Variants in EIF3CL observed in about 807,000 individuals in gnomAD.
The protein encoded by EIF3CL is eukaryotic translation initiation factor 3 subunit C like.
For synonymous variants in EIF3CL, 2 were observed against 19.6 expected, an observed-to-expected ratio of 0.10 and a Z score of 2.37; for missense variants, 5 against 56.1, an observed-to-expected ratio of 0.09 and a Z score of 2.91.
the EIF3CL span, among the ~76,000 whole-genome samples, chr16:28,416,744 G>A: frequency 2.7e-4 from 31 of 114,292 alleles, no homozygotes; most frequent in South Asian, 3.3e-3. Flanking sequence ...CACCCCGTCC[G>A]GGAGGGAGGT....
rs1181105883 is a variant in EIF3CL, at chr16:28,386,792, T to TAC, written c.1821+1264_1821+1265dup. Among the ~76,000 whole-genome samples the TAC allele has an allele frequency of 1.2e-4, 9 of 76,244 alleles. 1 individual carries two copies. Among genetic ancestry groups the TAC allele is most frequent in the South Asian group, 7.6e-4 (2 of 2,626 alleles). The allele number at this position is 76,244 out of a possible 152,430, so 50.0% of individuals were successfully genotyped here. A position where few individuals can be genotyped will look rare whatever the true frequency, so the allele number is the denominator to read the frequency against. On this transcript the variant is annotated intron_variant, in intron 15 of 20. Transcript: ENST00000380876. Reference sequence around the variant, plus strand: ...CACACACACACACACCCCTAAAAGATACACACACACACACCCCCTAAAAGA... The same window carrying TAC: ...CACACACACACACACCCCTAAAAGATACACACACACACACACCCCCTAAAAGA...
At chr16:28,422,738 G>A in the EIF3CL span, among the ~76,000 whole-genome samples, 1 of 140,042 alleles carries the variant, frequency 7.1e-6, no homozygotes, top group Non-Finnish European at 1.6e-5. Flanking sequence ...TTGGGAGGCT[G>A]AAGCAGGAAA....
At chr16:28,417,338 G>A in the EIF3CL span, among the ~76,000 whole-genome samples, 8 of 144,360 alleles carry the variant, frequency 5.5e-5, no homozygotes, top group Non-Finnish European at 9.2e-5. Flanking sequence ...CATTGAGAAC[G>A]GGCCAGGATG....
chr16:28,417,819 A>C, the EIF3CL span, among the ~76,000 whole-genome samples: 9 of 146,838 alleles, frequency 6.1e-5, no homozygotes, highest in Middle Eastern at 3.5e-3. Flanking sequence ...TCAATAAAAA[A>C]ATAAATTTAA....
the EIF3CL span, chr16:28,414,628 C>G: frequency 3.4e-6 from 1 of 290,326 alleles, no homozygotes; most frequent in South Asian, 2.7e-5. Context: ...GAGATTCAGA[C>G]GGCTGACTGC....
chr16:28,416,703 T>C, the EIF3CL span, among the ~76,000 whole-genome samples: 1 of 114,964 alleles, frequency 8.7e-6, no homozygotes, highest in African/African-American at 3.2e-5. Context: ...CCACCCCATC[T>C]GGGAAGTGAG....
chr16:28,386,202 A>T (rs924353853), intron 15 of EIF3CL, among the ~76,000 whole-genome samples: 1 of 58,548 alleles, frequency 1.7e-5, no homozygotes, highest in Non-Finnish European at 3.7e-5. Context: ...ACAGAGCGAG[A>T]CTCCGTCTCC....
the EIF3CL span, among the ~76,000 whole-genome samples, chr16:28,415,577 C>G: frequency 2.2e-4 from 28 of 127,458 alleles, 2 homozygotes; most frequent in Non-Finnish European, 4.1e-4. Flanking sequence ...TGGTGAAACC[C>G]CATCTCTACT....
chr16:28,418,896 C>T, the EIF3CL span, among the ~76,000 whole-genome samples: 4 of 145,004 alleles, frequency 2.8e-5, no homozygotes, highest in South Asian at 8.6e-4. Flanking sequence ...TCCCAAAATG[C>T]TAGGATTACA....
the EIF3CL span, among the ~76,000 whole-genome samples, chr16:28,418,718 C>G: frequency 6.6e-6 from 1 of 151,822 alleles, no homozygotes; most frequent in African/African-American, 2.4e-5. Context: ...AAGCCTCTGC[C>G]TCCCAGGTTC....
At chr16:28,419,248 C>T in the EIF3CL span, among the ~76,000 whole-genome samples, 15 of 151,054 alleles carry the variant, frequency 9.9e-5, no homozygotes, top group East Asian at 1.9e-4. Flanking sequence ...CCTCGTGATC[C>T]GCCTGCCTTG....
the EIF3CL span, chr16:28,414,320 C>T: frequency 9.2e-4 from 267 of 289,870 alleles, 7 homozygotes; most frequent in African/African-American, 6.6e-3. Context: ...CGCTTGAACC[C>T]GGGAGGCGGA....
the EIF3CL span, among the ~76,000 whole-genome samples, chr16:28,415,297 G>A: frequency 1.2e-5 from 1 of 81,564 alleles, no homozygotes; most frequent in East Asian, 3.8e-4. Flanking sequence ...GCCCGGGGAG[G>A]GGCAGAGGTC....
chr16:28,386,182 C>T (rs977140567), intron 15 of EIF3CL, among the ~76,000 whole-genome samples: 1 of 47,558 alleles, frequency 2.1e-5, no homozygotes, highest in African/African-American at 8.1e-5. Flanking sequence ...CACTGCACTC[C>T]AGCCTGCCGA....
chr16:28,417,235 A>G, the EIF3CL span, among the ~76,000 whole-genome samples: 63 of 144,496 alleles, frequency 4.4e-4, no homozygotes, highest in African/African-American at 1.7e-3. Flanking sequence ...CCATCCGGGA[A>G]GTGAGGGGCG....
chr16:28,426,082 AACACACACAC>A, the EIF3CL span, among the ~76,000 whole-genome samples: 3 of 103,894 alleles, frequency 2.9e-5, no homozygotes, highest in African/African-American at 1.1e-4. Flanking sequence ...ACTCTGTCTC[AACACACACAC>A]ACACACACAT....
At chr16:28,419,057 A>T in the EIF3CL span, among the ~76,000 whole-genome samples, 1 of 142,614 alleles carries the variant, frequency 7.0e-6, no homozygotes, top group African/African-American at 2.6e-5. Flanking sequence ...CCCAGGCTGG[A>T]GTGCAGTAGG....
the EIF3CL span, among the ~76,000 whole-genome samples, chr16:28,425,040 CTTT>C: frequency 2.0e-3 from 6 of 3,038 alleles, 1 homozygote; most frequent in East Asian, 9.2e-3. Flanking sequence ...GTTCTTGGAA[CTTT>C]TTTTTTTTTT....
At chr16:28,422,568 C>G in the EIF3CL span, among the ~76,000 whole-genome samples, 1 of 140,538 alleles carries the variant, frequency 7.1e-6, no homozygotes, top group Non-Finnish European at 1.6e-5. Flanking sequence ...TGCAGTGGCT[C>G]AAGCCTGTAA....
Sources: gnomAD v4.1 joint callset for allele counts (sites outside exome capture counted in the v4.1 genomes callset) on GRCh38, gnomAD v4.1.1 for gene constraint, MANE v1.5 for transcripts, NCBI Gene and HGNC (gene_info 2026-07-23, HGNC 2026-07-21) for gene names.